Variants in PIK3C2G observed in about 807,000 individuals in gnomAD.
PIK3C2G encodes phosphatidylinositol 3-kinase C2 domain-containing subunit gamma.
In PIK3C2G, 168 loss-of-function variants were observed where a neutral mutation model predicts 181.1. The observed-to-expected ratio is 0.93, with a 90% CI of 0.82 to 1.05. The LOEUF (loss-of-function observed/expected upper bound fraction) is 1.05. Ranked by LOEUF, PIK3C2G falls within the 50% of genes least tolerant of loss-of-function variation. PIK3C2G has a pLI of 0.00. For missense variants in PIK3C2G, 1,869 were observed against 1,732.8 expected, an observed-to-expected ratio of 1.08 and a Z score of -1.40; for synonymous variants, 573 against 592.2, an observed-to-expected ratio of 0.97 and a Z score of 0.47.
At chr12:18,327,758 TC>T (rs888353824) in intron 8 of PIK3C2G, among the ~76,000 whole-genome samples, 2 of 151,770 alleles carry the variant, frequency 1.3e-5, no homozygotes. Context: ...AAGAGAATCC[TC>T]CCCCCCAAGG....
intron 20 of PIK3C2G, among the ~76,000 whole-genome samples, chr12:18,495,756 C>T (rs1331836917): frequency 2.6e-5 from 4 of 152,110 alleles, no homozygotes; most frequent in Non-Finnish European, 4.4e-5. Context: ...TATTCATACA[C>T]TGCTTAGTTC....
chr12:18,343,244 T>C, intron 9 of PIK3C2G, 83 bp from the exon 10 acceptor site: 1 of 720,604 alleles, frequency 1.4e-6, no homozygotes, highest in Non-Finnish European at 2.4e-6. Context: ...GAAATTATAA[T>C]GTTTAGATTT....
the PIK3C2G span, among the ~76,000 whole-genome samples, chr12:18,673,169 T>A: frequency 1.3e-5 from 2 of 152,178 alleles, no homozygotes; most frequent in Non-Finnish European, 2.9e-5. Flanking sequence ...ATGTTTTTAA[T>A]GGTTAAATTG....
intron 5 of PIK3C2G, among the ~76,000 whole-genome samples, chr12:18,295,408 T>C (rs191369893): frequency 6.6e-6 from 1 of 152,142 alleles, no homozygotes. Context: ...CAAAACATTA[T>C]ATCCAAAGAG....
At chr12:18,474,682 A>G (rs989988847) in intron 18 of PIK3C2G, among the ~76,000 whole-genome samples, 1 of 152,166 alleles carries the variant, frequency 6.6e-6, no homozygotes, top group Admixed American at 6.6e-5. Flanking sequence ...TGAGTTAAGC[A>G]TTATTGAGTT....
At chr12:18,360,138 TTTC>T (rs1941106137) in intron 11 of PIK3C2G, among the ~76,000 whole-genome samples, 1 of 152,022 alleles carries the variant, frequency 6.6e-6, no homozygotes, top group Non-Finnish European at 1.5e-5. Context: ...TTTGATTTTT[TTTC>T]TTGTTTTTTG....
At position 18,335,193 on chromosome 12, in the gene PIK3C2G, G is replaced by A. The variant is rs80103584; in HGVS notation, c.1273-3233G>A. 8.5e-3 allele frequency among the ~76,000 whole-genome samples: 1,289 copies of A among 152,034 alleles called. 26 individuals are homozygous for A. Among genetic ancestry groups the A allele is most frequent in the African/African-American group, 0.03 (1,225 of 41,468 alleles). On this transcript the variant is annotated intron_variant, in intron 8 of 32. Transcript: ENST00000538779. ...GCTATCCAATGTCTGAGGACTATTC[G>A]AGGATCTTAGCTCCAGTTCTGCCCC...
chr12:18,566,599 C>T (rs918374718), intron 28 of PIK3C2G, among the ~76,000 whole-genome samples: 2 of 152,078 alleles, frequency 1.3e-5, no homozygotes, highest in Admixed American at 6.6e-5. Context: ...GAATCTGAAC[C>T]TTTTTAAAAA....
chr12:18,428,869 G>A (rs968550521), intron 18 of PIK3C2G, among the ~76,000 whole-genome samples: 7 of 152,106 alleles, frequency 4.6e-5, no homozygotes, highest in African/African-American at 1.7e-4. Context: ...CTTATGCCCA[G>A]GAGGCCCCTC....
intron 31 of PIK3C2G, among the ~76,000 whole-genome samples, chr12:18,629,395 A>C (rs1949247677): frequency 6.6e-6 from 1 of 152,096 alleles, no homozygotes; most frequent in Non-Finnish European, 1.5e-5. Flanking sequence ...CATTGCCTAG[A>C]TTTTCAAGGA....
intron 13 of PIK3C2G, among the ~76,000 whole-genome samples, chr12:18,376,258 C>A (rs769285914): frequency 6.6e-6 from 1 of 152,118 alleles, no homozygotes. Context: ...CCATTGTATC[C>A]GTGTGCTTGG....
At chr12:18,659,255 C>G in the PIK3C2G span, among the ~76,000 whole-genome samples, 1 of 152,254 alleles carries the variant, frequency 6.6e-6, no homozygotes, top group African/African-American at 2.4e-5. Flanking sequence ...TATTTAATCT[C>G]ATAACAATGC....
chr12:18,364,703 G>C (rs960794963), intron 12 of PIK3C2G, among the ~76,000 whole-genome samples: 1 of 152,010 alleles, frequency 6.6e-6, no homozygotes, highest in African/African-American at 2.4e-5. Flanking sequence ...TTTGAGACCA[G>C]CCTGGCCAAC....
chr12:18,313,749 T>C (rs1488910361), intron 5 of PIK3C2G, among the ~76,000 whole-genome samples: 1 of 152,080 alleles, frequency 6.6e-6, no homozygotes, highest in Non-Finnish European at 1.5e-5. Context: ...TCTATATATC[T>C]ATATTTCCTG....
the PIK3C2G span, among the ~76,000 whole-genome samples, chr12:18,678,242 G>A: frequency 6.6e-6 from 1 of 152,070 alleles, no homozygotes; most frequent in African/African-American, 2.4e-5. Context: ...TGTCACATCT[G>A]AGCCAAATAA....
the PIK3C2G span, among the ~76,000 whole-genome samples, chr12:18,702,818 C>CTTTTT: frequency 0.031 from 3,627 of 116,500 alleles, 126 homozygotes; most frequent in East Asian, 0.061. Context: ...GATAAAGTAA[C>CTTTTT]TTTTTTTTTT....
intron 9 of PIK3C2G, among the ~76,000 whole-genome samples, chr12:18,341,750 C>T (rs185471839): frequency 4.7e-4 from 72 of 152,242 alleles, no homozygotes; most frequent in African/African-American, 1.6e-3. Context: ...GCAGTCTATC[C>T]ACCCACCATG....
downstream of PIK3C2G, among the ~76,000 whole-genome samples, chr12:18,650,331 C>G (rs79193509): frequency 1.1e-5 from 1 of 91,986 alleles, no homozygotes; most frequent in Non-Finnish European, 2.1e-5. Context: ...CTCTCTCTCT[C>G]TATATATATA....
chr12:18,298,042 A>G (rs770050015), intron 5 of PIK3C2G, among the ~76,000 whole-genome samples: 2 of 151,956 alleles, frequency 1.3e-5, no homozygotes, highest in Non-Finnish European at 2.9e-5. Context: ...ATAAACACCC[A>G]TAAGTAGGAT....
Sources: gnomAD v4.1 joint callset for allele counts (sites outside exome capture counted in the v4.1 genomes callset) on GRCh38, gnomAD v4.1.1 for gene constraint, MANE v1.5 for transcripts, NCBI Gene and HGNC (gene_info 2026-07-23, HGNC 2026-07-21) for gene names.